Variants in LAS1L observed in about 807,000 individuals in gnomAD.
The protein encoded by LAS1L is LAS1 like ribosome biogenesis factor.
A neutral mutation model predicts 57.3 loss-of-function variants in LAS1L; 5 were observed. The observed-to-expected ratio is 0.09, with a 90% CI of 0.05 to 0.18. LAS1L has a LOEUF of 0.18. Among genes scored for constraint, LAS1L ranks in the 10% least tolerant of loss-of-function variants. The pLI is 1.00. For missense variants in LAS1L, 360 were observed against 568.3 expected (o/e 0.63, Z 3.73); for synonymous variants, 245 against 231.7 (o/e 1.06, Z -0.52).
intron 12 of LAS1L, among the ~76,000 whole-genome samples, chrX:65,516,699 C>T (rs887065449): frequency 2.8e-5 from 3 of 107,131 alleles, no homozygotes; most frequent in Admixed American, 1.0e-4. Flanking sequence ...TATGTCAATG[C>T]CCCTCCCTTT....
chrX:65,528,674 G>A (rs182727677), intron 6 of LAS1L, among the ~76,000 whole-genome samples: 288 of 113,197 alleles, frequency 2.5e-3, no homozygotes, highest in Non-Finnish European at 3.9e-3. Context: ...AAGGGCCAGA[G>A]ATGAGGAGAG....
rs900294536 is a variant in LAS1L at position 65,520,959 on chromosome X, G to T, written c.1449-2494C>A. ...CTTTATTCTTTCTCCTGCTTGAATT[G>T]TTCAAATGCCTCCTCTTGAAACTCT... On this transcript the variant is annotated intron_variant, in intron 11 of 13. Transcript: ENST00000374811. 6.7e-6 allele frequency: 5 copies of T among 751,268 alleles called. No homozygotes were observed. In the South Asian group the frequency reaches 3.4e-4, roughly 52 times the overall value. 61.9% of individuals were successfully genotyped at this position (751,268 alleles called of 1,213,427 possible).
At chrX:65,530,124 C>T in intron 4 of LAS1L, among the ~76,000 whole-genome samples, 1 of 112,938 alleles carries the variant, frequency 8.9e-6, no homozygotes, top group Non-Finnish European at 1.9e-5. Flanking sequence ...ATGCCAAAAA[C>T]AGTTAAGGGG....
At chrX:65,519,329 G>T in intron 11 of LAS1L, among the ~76,000 whole-genome samples, 1 of 112,157 alleles carries the variant, frequency 8.9e-6, no homozygotes, top group Non-Finnish European at 1.9e-5. Context: ...CCAATTCTGA[G>T]TACACATGAA....
At chrX:65,515,041 C>T in intron 12 of LAS1L, 68 bp from the exon 13 acceptor site, 1 of 1,060,748 alleles carries the variant, frequency 9.4e-7, no homozygotes, top group Non-Finnish European at 1.3e-6. Context: ...CACAGGCCTG[C>T]TCACCCTGTC....
At chrX:65,527,863 C>A (rs1039594372) in intron 7 of LAS1L, among the ~76,000 whole-genome samples, 8 of 110,820 alleles carry the variant, frequency 7.2e-5, no homozygotes, top group Non-Finnish European at 1.5e-4. Flanking sequence ...AAAAAAAAAA[C>A]AAGACAAGAC....
At position 65,514,969 on chromosome X, in the gene LAS1L, G is replaced by A. The variant is rs748382959; in HGVS notation, c.1932C>T (p.Asp644=). The A allele has an allele frequency of 1.2e-5, 15 of 1,205,898 alleles. No individual in the cohort carries two copies. Among genetic ancestry groups the A allele is most frequent in the South Asian group, 1.8e-5 (1 of 56,072 alleles). Residue 644 remains aspartate, a synonymous_variant, in exon 13 of 14, where the codon GAC becomes GAT. Transcript: ENST00000374811. The part of the protein sequence containing the change: ...QGSAWQVSSE[D]VRWDTFPLGR... ...CTAGGGGAAATGTGTCCCATCGCACGTCTTCTGTGGAGCAAAGGGAAGTGG... is the reference window on the plus strand; with the variant it reads ...CTAGGGGAAATGTGTCCCATCGCACATCTTCTGTGGAGCAAAGGGAAGTGG...
chrX:65,529,335 C>T, intron 5 of LAS1L, 77 bp from the exon 6 acceptor site: 3 of 885,244 alleles, frequency 3.4e-6, no homozygotes, highest in South Asian at 4.6e-5. Context: ...GCCTCTCTCA[C>T]CTCATTTCTT....
rs753150684 is a variant in LAS1L, at chrX:65,533,815, G to A, written c.237-80C>T. On this transcript the variant is annotated intron_variant, in intron 1 of 13. Coordinates refer to ENST00000374811, the MANE Select transcript of LAS1L (RefSeq NM_031206.7). Reference sequence around the variant, plus strand: ...CCACCTCAGAACCTAGGTTGTTGCAGGCTACACCCATCATATTCTGGTTCA... The same window carrying A: ...CCACCTCAGAACCTAGGTTGTTGCAAGCTACACCCATCATATTCTGGTTCA... 33 of 1,029,533 alleles carry A rather than the reference G, an allele frequency of 3.2e-5. 1 individual carries two copies. The South Asian group carries it at 7.1e-4, about 22-fold the overall frequency. 84.8% of individuals were successfully genotyped at this position (1,029,533 alleles called of 1,213,427 possible).
chrX:65,523,415 G>T, intron 11 of LAS1L, 145 bp downstream of exon 11: 1 of 567,769 alleles, frequency 1.8e-6, no homozygotes, highest in Non-Finnish European at 2.6e-6. Context: ...CCCCTCTCTG[G>T]ACTCAGTTGT....
intron 3 of LAS1L, 81 bp downstream of exon 3, chrX:65,532,480 T>C: frequency 1.3e-5 from 9 of 711,393 alleles, no homozygotes; most frequent in Non-Finnish European, 2.0e-5. Context: ...CTAGTCTGAC[T>C]GTGTGCCCAC....
At chrX:65,532,012 G>T (rs972972358) in intron 3 of LAS1L, among the ~76,000 whole-genome samples, 1 of 112,209 alleles carries the variant, frequency 8.9e-6, no homozygotes, top group South Asian at 3.6e-4. Flanking sequence ...CTGTGAATGA[G>T]CATTAACAAT....
chrX:65,532,791 C>G (rs2069565645), intron 2 of LAS1L, among the ~76,000 whole-genome samples, 161 bp from the exon 3 acceptor site: 1 of 112,392 alleles, frequency 8.9e-6, no homozygotes, highest in South Asian at 3.6e-4. Context: ...TCCATCCATT[C>G]CAACATTTAA....
chrX:65,521,288 C>A, intron 11 of LAS1L: 1 of 753,997 alleles, frequency 1.3e-6, no homozygotes, highest in Non-Finnish European at 1.6e-6. Context: ...AAGGACAGCA[C>A]TGCTGGGAAT....
chrX:65,526,187 T>C (rs763556621), intron 7 of LAS1L, among the ~76,000 whole-genome samples: 5 of 112,024 alleles, frequency 4.5e-5, no homozygotes, highest in African/African-American at 1.6e-4. Context: ...ATGCTTCTCA[T>C]ACAGGATACA....
chrX:65,532,810 T>C (rs955674721), intron 2 of LAS1L, among the ~76,000 whole-genome samples, 180 bp from the exon 3 acceptor site: 3 of 112,367 alleles, frequency 2.7e-5, no homozygotes, highest in Non-Finnish European at 5.6e-5. Context: ...AATGAGAGTC[T>C]GCCCTATAAT....
intron 12 of LAS1L, among the ~76,000 whole-genome samples, chrX:65,516,634 TATAC>T (rs1489598043): frequency 1.4e-5 from 1 of 71,755 alleles, no homozygotes; most frequent in Non-Finnish European, 2.4e-5. Context: ...CCCTTTTTCC[TATAC>T]ACACACACAC....
At position 65,512,801 on chromosome X, in the gene LAS1L, G is replaced by T; in HGVS notation, c.2179C>A (p.Leu727Ile). The T allele has an allele frequency of 8.6e-7, 1 of 1,168,292 alleles. No individual in the cohort carries two copies. ...CAGAAGAGCTGCAGGCCAGTTTTGA[G>T]CCCATGCAGCTGCCCCTGGCTCCAG... ...LLWSQGQLHG[L>I]KTGLQLF The change falls in exon 14 of 14, where the codon CTC becomes ATC. Residue 727 changes from leucine (L) to isoleucine (I), a missense_variant. Physicochemically the swap from Leu to Ile is conservative, Grantham distance 5. Around this residue, in one of 7 missense-constraint regions of LAS1L, gnomAD observed 123 missense variants for 168.3 expected, o/e 0.73. Coordinates refer to ENST00000374811, the MANE Select transcript of LAS1L (RefSeq NM_031206.7).
intron 1 of LAS1L, 88 bp downstream of exon 1, chrX:65,534,392 T>C (rs1410454582): frequency 2.8e-6 from 2 of 704,793 alleles, no homozygotes; most frequent in Middle Eastern, 3.2e-4. Context: ...AGGGGAAGAC[T>C]GGAGAACAGG....
Sources: allele counts gnomAD v4.1 joint callset (sites outside exome capture counted in the v4.1 genomes callset), GRCh38; gene constraint gnomAD v4.1.1; regional missense constraint gnomAD v4.1.1; transcripts MANE v1.5; gene names NCBI Gene and HGNC (gene_info 2026-07-23, HGNC 2026-07-21).